IQCM: variants seen among roughly 807,000 people sequenced by gnomAD.
IQCM encodes IQ domain-containing protein M.
IQCM carries 45 observed loss-of-function variants against 57.6 expected under a neutral mutation model. The observed-to-expected ratio is 0.78, with a 90% CI of 0.62 to 1.00. The LOEUF is 1.00. Among genes scored for constraint, IQCM ranks in the 50% least tolerant of loss-of-function variants. The pLI, the probability that IQCM is intolerant of heterozygous loss-of-function variation, is 0.00. For synonymous variants in IQCM, 148 were observed against 158.9 expected, an observed-to-expected ratio of 0.93 and a Z score of 0.51; for missense variants, 468 against 511.6, an observed-to-expected ratio of 0.91 and a Z score of 0.82.
At chr4:149,681,584 A>T (rs570443385) in intron 7 of IQCM, among the ~76,000 whole-genome samples, 1 of 151,302 alleles carries the variant, frequency 6.6e-6, no homozygotes, top group South Asian at 2.1e-4. Flanking sequence ...GCAAATTTTT[A>T]AAAATTTCTT....
intron 5 of IQCM, among the ~76,000 whole-genome samples, chr4:149,692,652 A>G (rs1253050019): frequency 6.6e-6 from 1 of 152,180 alleles, no homozygotes; most frequent in Non-Finnish European, 1.5e-5. Context: ...GAGTTAAAGG[A>G]GATCTCTAAA....
intron 12 of IQCM, among the ~76,000 whole-genome samples, chr4:149,494,985 G>A (rs978544877): frequency 1.3e-5 from 2 of 152,056 alleles, no homozygotes; most frequent in Admixed American, 1.3e-4. Context: ...CTTCAGGATT[G>A]GAACTGGAGG....
In IQCM at chr4:149,573,769, C is replaced by CA. The variant is rs11289641; in HGVS notation, c.750-9880dup. 5.1e-3 allele frequency among the ~76,000 whole-genome samples: 712 copies of CA among 140,042 alleles called. 3 individuals are homozygous for CA. Among genetic ancestry groups the CA allele is most frequent in the Non-Finnish European group, 8.7e-3 (558 of 64,160 alleles). 91.9% of individuals were successfully genotyped at this position (140,042 alleles called of 152,430 possible). On this transcript the variant is annotated intron_variant, in intron 9 of 13. Transcript: ENST00000636793. ...CAGGCAACCTAGTGAGACCCTGGCT[C>CA]AAAAAAAAAAAAAATTAAAATTAAA...
intron 5 of IQCM, among the ~76,000 whole-genome samples, chr4:149,717,918 T>C (rs1358132984): frequency 1.3e-5 from 2 of 152,238 alleles, no homozygotes; most frequent in Non-Finnish European, 2.9e-5. Flanking sequence ...GTAAACCTCA[T>C]GCTATTGGCA....
At chr4:149,722,098 G>A (rs112128541) in intron 5 of IQCM, among the ~76,000 whole-genome samples, 86 of 152,026 alleles carry the variant, frequency 5.7e-4, no homozygotes, top group Non-Finnish European at 1.0e-3. Context: ...CTCCTTTTGC[G>A]AAATGTTTGT....
At position 149,385,151 on chromosome 4, in the gene IQCM, C is replaced by T. The variant is rs570619886; in HGVS notation, c.1391-33085G>A. Among the ~76,000 whole-genome samples the T allele has an allele frequency of 5.9e-5, 9 of 152,056 alleles. No individual in the cohort carries two copies. The South Asian group carries it at 6.2e-4, about 11-fold the overall frequency. Reference sequence around the variant, plus strand: ...TAATGTTGTAGCACTAGCTATATTCCGGAGCTTAAATGTTAATGGTTTTAA... The same window carrying T: ...TAATGTTGTAGCACTAGCTATATTCTGGAGCTTAAATGTTAATGGTTTTAA... On this transcript the variant is annotated intron_variant, in intron 13 of 13. Transcript: ENST00000636793.
chr4:149,811,404 A>G (rs1323264936), intron 2 of IQCM, among the ~76,000 whole-genome samples: 1 of 152,210 alleles, frequency 6.6e-6, no homozygotes, highest in African/African-American at 2.4e-5. Context: ...AATACAGCTT[A>G]TCTACATTCT....
intron 12 of IQCM, among the ~76,000 whole-genome samples, chr4:149,496,591 T>C (rs1001477120): frequency 2.6e-5 from 4 of 152,064 alleles, no homozygotes; most frequent in African/African-American, 9.7e-5. Flanking sequence ...TGCAGGCAGC[T>C]CCTAGAAGGT....
chr4:149,480,097 T>C (rs1362286663), intron 12 of IQCM, among the ~76,000 whole-genome samples: 1 of 152,200 alleles, frequency 6.6e-6, no homozygotes, highest in Admixed American at 6.5e-5. Flanking sequence ...ATCATAAGCA[T>C]TGTTAATTAA....
At chr4:149,392,101 C>G (rs1029254696) in intron 13 of IQCM, among the ~76,000 whole-genome samples, 1 of 139,048 alleles carries the variant, frequency 7.2e-6, no homozygotes, top group Admixed American at 7.6e-5. Context: ...GTTCAGTTGT[C>G]TATTTCTCCC....
chr4:149,433,704 T>C (rs1735082569), intron 12 of IQCM, 147 bp from the exon 13 acceptor site: 1 of 379,056 alleles, frequency 2.6e-6, no homozygotes, highest in Non-Finnish European at 4.6e-6. Context: ...CAAAGTTACT[T>C]TACCAAAAAT....
chr4:149,762,530 G>A (rs527607578), intron 2 of IQCM, among the ~76,000 whole-genome samples: 21 of 152,114 alleles, frequency 1.4e-4, no homozygotes, highest in African/African-American at 3.9e-4. Context: ...TACTTACAAA[G>A]ACATGTGCAT....
chr4:149,435,635 G>A (rs1291358482), intron 12 of IQCM, among the ~76,000 whole-genome samples: 1 of 151,230 alleles, frequency 6.6e-6, no homozygotes, highest in Non-Finnish European at 1.5e-5. Context: ...CCAGAAGAAA[G>A]CATTGTTATC....
intron 7 of IQCM, among the ~76,000 whole-genome samples, chr4:149,627,254 C>G (rs1756895883): frequency 6.6e-6 from 1 of 152,112 alleles, no homozygotes; most frequent in Non-Finnish European, 1.5e-5. Context: ...CTCAGCAGAG[C>G]TCAACTTTTT....
At position 149,407,587 on chromosome 4, in the gene IQCM, A is replaced by C. The variant is rs1022727037; in HGVS notation, c.1390+25809T>G. Among the ~76,000 whole-genome samples, 6 of 152,072 alleles carry C rather than the reference A, an allele frequency of 3.9e-5. No homozygotes were observed. The South Asian group carries it at 1.2e-3, about 31-fold the overall frequency. On this transcript the variant is annotated intron_variant, in intron 13 of 13. Coordinates refer to ENST00000636793, the MANE Select transcript of IQCM (RefSeq NM_001363507.2). The stretch of plus-strand genomic sequence containing the variant: ...ATTTTTTTTTAATTTTCTGTTATTG[A>C]GTCATTTCACTAAGGACAGTGGCCT...
At chr4:149,454,886 T>A (rs545776595) in intron 12 of IQCM, among the ~76,000 whole-genome samples, 1 of 152,116 alleles carries the variant, frequency 6.6e-6, no homozygotes, top group African/African-American at 2.4e-5. Context: ...GGGGAGTGAC[T>A]GCTAATGGAT....
chr4:149,526,350 A>T lies in IQCM; in HGVS notation c.1228+22105T>A, dbSNP rs114672412. Among the ~76,000 whole-genome samples the T allele has an allele frequency of 3.0e-3, 457 of 152,112 alleles. 2 individuals carry two copies. Among genetic ancestry groups the T allele is most frequent in the African/African-American group, 0.01 (428 of 41,554 alleles). ...AACGGGTTAGAAGATTCTCATGGCG[A>T]TTCCAGACAGTGTAATAAACAATGA... On this transcript the variant is annotated intron_variant, in intron 12 of 13. Coordinates refer to ENST00000636793, the MANE Select transcript of IQCM (RefSeq NM_001363507.2).
chr4:149,803,756 T>G (rs1385248964), intron 2 of IQCM, among the ~76,000 whole-genome samples: 1 of 151,936 alleles, frequency 6.6e-6, no homozygotes, highest in Admixed American at 6.6e-5. Flanking sequence ...TTGCTAGTGT[T>G]TTTGTTTTTT....
chr4:149,598,689 G>T (rs972700164), intron 8 of IQCM, among the ~76,000 whole-genome samples: 4 of 152,050 alleles, frequency 2.6e-5, no homozygotes, highest in Admixed American at 6.6e-5. Flanking sequence ...AAATCACAAA[G>T]AAATATAATT....
Sources: allele counts gnomAD v4.1 joint callset (sites outside exome capture counted in the v4.1 genomes callset), GRCh38; gene constraint gnomAD v4.1.1; transcripts MANE v1.5; gene names NCBI Gene and HGNC (gene_info 2026-07-23, HGNC 2026-07-21).